Variants in CDH13 observed in about 807,000 individuals in gnomAD.
The protein encoded by CDH13 is cadherin-13.
CDH13 carries 24 observed loss-of-function variants against 63.8 expected under a neutral mutation model. The observed-to-expected ratio is 0.38, with a 90% confidence interval of 0.27 to 0.53. CDH13 has a LOEUF of 0.53. Ranked by LOEUF, CDH13 falls within the 20% of genes least tolerant of loss-of-function variation. The pLI is 0.85. For synonymous variants in CDH13, 503 were observed against 355.3 expected (o/e 1.42, Z -4.67); for missense variants, 1,049 against 903.1 (o/e 1.16, Z -2.07).
At chr16:83,670,658 C>G in intron 8 of CDH13, 132 bp from the exon 9 acceptor site, 2 of 846,070 alleles carry the variant, frequency 2.4e-6, no homozygotes. Flanking sequence ...ATAGTATCTT[C>G]CAACCGTAAT....
At chr16:83,388,034 G>C (rs1466744677) in intron 6 of CDH13, among the ~76,000 whole-genome samples, 2 of 152,116 alleles carry the variant, frequency 1.3e-5, no homozygotes, top group East Asian at 3.9e-4. Context: ...TGGGGTAAAA[G>C]ACCTCCTAGA....
intron 10 of CDH13, among the ~76,000 whole-genome samples, chr16:83,700,832 G>A (rs777839141): frequency 8.5e-5 from 13 of 152,122 alleles, no homozygotes; most frequent in Non-Finnish European, 1.6e-4. Flanking sequence ...GTTTCATTTT[G>A]TGTAATTAAA....
At chr16:83,418,445 A>G (rs2071617109) in intron 6 of CDH13, among the ~76,000 whole-genome samples, 1 of 152,186 alleles carries the variant, frequency 6.6e-6, no homozygotes. Context: ...TCTTCCTCTT[A>G]AAGGAAAAAT....
rs1193096401 is a variant in CDH13, at chr16:83,196,296, A to C, written c.484-21049A>C. The stretch of plus-strand genomic sequence containing the variant: ...ACAAAAACAGAAAATGTTAACTCAA[A>C]GTGGATCACAGATATAAATGTAAAA... On this transcript the variant is annotated intron_variant, in intron 4 of 13. Coordinates refer to ENST00000567109, the MANE Select transcript of CDH13 (RefSeq NM_001257.5). Among the ~76,000 whole-genome samples, 3 of 152,160 alleles carry C rather than the reference A, an allele frequency of 2.0e-5. No individual in the cohort carries two copies. The East Asian group carries it at 5.8e-4, about 29-fold the overall frequency.
chr16:82,629,186 C>G (rs1481138907), intron 1 of CDH13, among the ~76,000 whole-genome samples: 1 of 152,166 alleles, frequency 6.6e-6, no homozygotes, highest in Non-Finnish European at 1.5e-5. Context: ...GTTCTTTTTG[C>G]AAATGAACTG....
chr16:82,885,343 AT>A (rs2040846342), intron 2 of CDH13, among the ~76,000 whole-genome samples: 2 of 152,140 alleles, frequency 1.3e-5, no homozygotes, highest in African/African-American at 2.4e-5. Context: ...AATCAGTTTT[AT>A]GTTTTTTCTT....
At chr16:82,935,137 T>A (rs1244132973) in intron 2 of CDH13, among the ~76,000 whole-genome samples, 2 of 152,138 alleles carry the variant, frequency 1.3e-5, no homozygotes, top group East Asian at 3.9e-4. Flanking sequence ...TTTTGCAGGG[T>A]TGGGGAGGCC....
chr16:83,340,265 C>A (rs1278699014), intron 5 of CDH13, among the ~76,000 whole-genome samples: 1 of 151,768 alleles, frequency 6.6e-6, no homozygotes, highest in Non-Finnish European at 1.5e-5. Context: ...TATGTGTGTG[C>A]TATGTCTGTG....
At chr16:83,281,688 C>T (rs188845890) in intron 5 of CDH13, among the ~76,000 whole-genome samples, 1 of 151,426 alleles carries the variant, frequency 6.6e-6, no homozygotes, top group Non-Finnish European at 1.5e-5. Flanking sequence ...GTGTGCAGAT[C>T]ACTTGAGGTC....
At chr16:83,389,578 T>C (rs763070072) in intron 6 of CDH13, among the ~76,000 whole-genome samples, 11 of 152,258 alleles carry the variant, frequency 7.2e-5, no homozygotes, top group Non-Finnish European at 1.6e-4. Flanking sequence ...TGCTGCCTTA[T>C]TGATGGACTG....
intron 3 of CDH13, among the ~76,000 whole-genome samples, chr16:83,071,382 A>T (rs1166966684): frequency 6.6e-6 from 1 of 152,132 alleles, no homozygotes; most frequent in Admixed American, 6.5e-5. Context: ...CTGCCCAGAG[A>T]TGCTCCCCTT....
At chr16:83,699,229 C>A (rs1004196686) in intron 10 of CDH13, among the ~76,000 whole-genome samples, 1 of 152,254 alleles carries the variant, frequency 6.6e-6, no homozygotes, top group African/African-American at 2.4e-5. Flanking sequence ...CATTCATCAT[C>A]ATTCTGCCTC....
At chr16:82,811,878 T>C (rs930798473) in intron 1 of CDH13, among the ~76,000 whole-genome samples, 2 of 152,022 alleles carry the variant, frequency 1.3e-5, no homozygotes, top group South Asian at 2.1e-4. Context: ...AGGGCCCAGG[T>C]TTAGGGAAGA....
chr16:83,492,712 G>C (rs2074043028), intron 7 of CDH13, among the ~76,000 whole-genome samples: 1 of 152,208 alleles, frequency 6.6e-6, no homozygotes, highest in South Asian at 2.1e-4. Context: ...TTAGTTCCAT[G>C]AGTGCAGGCC....
intron 8 of CDH13, among the ~76,000 whole-genome samples, chr16:83,609,132 A>G (rs1381851004): frequency 6.6e-6 from 1 of 152,192 alleles, no homozygotes; most frequent in African/African-American, 2.4e-5. Context: ...TATATGAGCT[A>G]TGCCAAGCTT....
At chr16:82,788,161 G>A (rs781528507) in intron 1 of CDH13, among the ~76,000 whole-genome samples, 2 of 152,176 alleles carry the variant, frequency 1.3e-5, no homozygotes, top group Non-Finnish European at 2.9e-5. Flanking sequence ...AGGAACCAAA[G>A]TGTCTCCTTC....
At chr16:83,297,338 A>G (rs1877667252) in intron 5 of CDH13, among the ~76,000 whole-genome samples, 1 of 152,212 alleles carries the variant, frequency 6.6e-6, no homozygotes, top group South Asian at 2.1e-4. Context: ...CTCACATTGT[A>G]CCACATAAAT....
At chr16:83,610,233 A>G (rs916701348) in intron 8 of CDH13, among the ~76,000 whole-genome samples, 1 of 152,164 alleles carries the variant, frequency 6.6e-6, no homozygotes, top group Non-Finnish European at 1.5e-5. Flanking sequence ...CTAAACAGCT[A>G]GAATAAAAAA....
chr16:83,011,514 C>A (rs1220312285), intron 2 of CDH13, among the ~76,000 whole-genome samples: 2 of 152,166 alleles, frequency 1.3e-5, no homozygotes, highest in Non-Finnish European at 2.9e-5. Context: ...ACCCATGTTG[C>A]TTCTGGGTCC....
Sources: allele counts gnomAD v4.1 joint callset (sites outside exome capture counted in the v4.1 genomes callset), GRCh38; gene constraint gnomAD v4.1.1; transcripts MANE v1.5; gene names NCBI Gene and HGNC (gene_info 2026-07-23, HGNC 2026-07-21).